Variants in MTMR1 observed in about 807,000 individuals in gnomAD.
MTMR1 encodes the protein phosphatidylinositol-3-phosphate phosphatase MTMR1.
MTMR1 carries 17 observed loss-of-function variants against 51.6 expected under a neutral mutation model. The observed-to-expected ratio is 0.33, with a 90% CI of 0.23 to 0.49. MTMR1 has a LOEUF of 0.49. MTMR1 is among the 20% of genes least tolerant of loss of function. The pLI is 0.99. For synonymous variants in MTMR1, 201 were observed against 205.6 expected, an observed-to-expected ratio of 0.98 and a Z score of 0.19; for missense variants, 386 against 526.9, an observed-to-expected ratio of 0.73 and a Z score of 2.62.
At chrX:150,695,670 G>T (rs782071602) in intron 1 of MTMR1, among the ~76,000 whole-genome samples, 1 of 112,067 alleles carries the variant, frequency 8.9e-6, no homozygotes, top group Non-Finnish European at 1.9e-5. Flanking sequence ...TCAATTTTGA[G>T]ATGCCAATTA....
intron 14 of MTMR1, among the ~76,000 whole-genome samples, chrX:150,752,624 G>GTTTTTTTTTT (rs782406235): frequency 1.9e-4 from 11 of 57,454 alleles, no homozygotes; most frequent in Non-Finnish European, 2.7e-4. Context: ...GCTTTATCTT[G>GTTTTTTTTTT]TTTTTTTTTT....
intron 10 of MTMR1, 99 bp from the exon 11 acceptor site, chrX:150,736,496 T>G: frequency 1.3e-4 from 100 of 784,472 alleles, no homozygotes; most frequent in Non-Finnish European, 1.6e-4. Flanking sequence ...TATTTGCAGA[T>G]GAGTTTGTTG....
intron 2 of MTMR1, among the ~76,000 whole-genome samples, chrX:150,707,548 A>G (rs1392871824): frequency 1.8e-5 from 2 of 112,461 alleles, no homozygotes; most frequent in African/African-American, 3.2e-5. Flanking sequence ...GCTATATCCT[A>G]TTGGAATGGT....
At chrX:150,693,827 C>T (rs1488231305) in intron 1 of MTMR1, 151 bp downstream of exon 1, 2 of 315,413 alleles carry the variant, frequency 6.3e-6, no homozygotes, top group Admixed American at 9.1e-5. Flanking sequence ...CCTCCTCCCC[C>T]CCACCCCCGG....
At chrX:150,757,956 C>G (rs924662796) in intron 15 of MTMR1, among the ~76,000 whole-genome samples, 9 of 111,188 alleles carry the variant, frequency 8.1e-5, no homozygotes, top group African/African-American at 3.0e-4. Context: ...GATACTGCAC[C>G]GGCCTGTTTG....
intron 3 of MTMR1, chrX:150,714,364 T>C: frequency 2.5e-6 from 1 of 395,438 alleles, no homozygotes; most frequent in Non-Finnish European, 4.1e-6. Context: ...TGTGTCGACT[T>C]TTACATGCTT....
intron 4 of MTMR1, among the ~76,000 whole-genome samples, chrX:150,726,853 T>C (rs2041955432): frequency 8.9e-6 from 1 of 112,071 alleles, no homozygotes; most frequent in Admixed American, 9.5e-5. Flanking sequence ...TAGTTTTAAG[T>C]AGCAGTAATT....
chrX:150,702,242 T>C (rs1202526320), intron 2 of MTMR1, among the ~76,000 whole-genome samples: 1 of 110,488 alleles, frequency 9.1e-6, no homozygotes, highest in African/African-American at 3.3e-5. Context: ...TTTTTCAAAA[T>C]GTGACCCTTG....
Position 150,762,701 on chromosome X carries a change from C to T in MTMR1, c.1994C>T (p.Ser665Phe). ...GAGCGGGGCTCCTCGCCCTCCCACT[C>T]CGCCACCTCCGTCCACACCTCGGTC... The part of the protein sequence containing the change: ...SSERGSSPSH[S>F]ATSVHTSV Residue 665 changes from serine to phenylalanine, a missense_variant, in exon 16 of 16, where the codon TCC (serine) becomes TTC (phenylalanine). By Grantham distance (155) the Ser-to-Phe change is radical. Transcript: ENST00000445323. 8.5e-7 allele frequency: 1 copy of T among 1,183,052 alleles called. No homozygotes were observed. Among genetic ancestry groups the T allele is most frequent in the Non-Finnish European group, 1.1e-6 (1 of 878,915 alleles).
In MTMR1 at chrX:150,764,670, C is replaced by T. The variant is rs1027679764; in HGVS notation, c.*1941C>T. Reference sequence around the variant, plus strand: ...GCTGGGGGGGGCTCTGTCAGCAGGACCCTAGAGGAGACTCTCATTCGATTT... The same window carrying T: ...GCTGGGGGGGGCTCTGTCAGCAGGATCCTAGAGGAGACTCTCATTCGATTT... On this transcript the variant is annotated 3_prime_UTR_variant, in exon 16 of 16. Coordinates refer to ENST00000445323, the MANE Select transcript of MTMR1 (RefSeq NM_001306144.3). 9.0e-6 allele frequency: 1 copy of T among 111,620 alleles called. No homozygotes were observed. The highest frequency in any genetic ancestry group is 1.9e-5 in the Non-Finnish European group (1 of 53,144). 9.2% of individuals were successfully genotyped at this position (111,620 alleles called of 1,213,427 possible). A position where few individuals can be genotyped will look rare whatever the true frequency, so the allele number is the denominator to read the frequency against.
intron 14 of MTMR1, 135 bp from the exon 15 acceptor site, chrX:150,755,553 GC>G: frequency 2.2e-6 from 1 of 457,277 alleles, no homozygotes; most frequent in Non-Finnish European, 3.5e-6. Flanking sequence ...AGAAGGTGGG[GC>G]TGGGACCTAG....
intron 10 of MTMR1, among the ~76,000 whole-genome samples, chrX:150,734,786 A>G (rs2042217260): frequency 8.9e-6 from 1 of 112,565 alleles, no homozygotes; most frequent in African/African-American, 3.2e-5. Flanking sequence ...CTTCCTTTAC[A>G]ATCTGGCTGC....
intron 10 of MTMR1, among the ~76,000 whole-genome samples, chrX:150,734,236 C>G (rs1173283442): frequency 8.9e-6 from 1 of 112,793 alleles, no homozygotes. Flanking sequence ...TAGGTTCCAC[C>G]TGAAATAATC....
At chrX:150,718,530 C>T in intron 3 of MTMR1, 95 bp from the exon 4 acceptor site, 1 of 1,030,982 alleles carries the variant, frequency 9.7e-7, no homozygotes. Context: ...CATCACAGAA[C>T]ACCGAAATTC....
In MTMR1 at chrX:150,736,657, G is replaced by A. The variant is rs2042277961; in HGVS notation, c.1143G>A (p.Glu381=). 8.3e-7 allele frequency: 1 copy of A among 1,211,794 alleles called. No individual in the cohort carries two copies. The highest frequency in any genetic ancestry group is 1.1e-6 in the Non-Finnish European group (1 of 895,342). ...CAAATGCAGAACTTGTGTTCTTGGA[G>A]ATCCACAACATTCATGTCATGCGAG... ...AYPNAELVFL[E]IHNIHVMRES... The change falls in exon 11 of 16, where the codon GAG becomes GAA. Residue 381 remains glutamate (E), a synonymous_variant. Coordinates refer to ENST00000445323, the MANE Select transcript of MTMR1 (RefSeq NM_001306144.3).
At position 150,736,797 on chromosome X, in the gene MTMR1, C is replaced by G. The variant is rs1194398627; in HGVS notation, c.1266+17C>G. The G allele has an allele frequency of 6.9e-6, 8 of 1,161,999 alleles. No individual in the cohort carries two copies. Among genetic ancestry groups the G allele is most frequent in the Non-Finnish European group, 9.2e-6 (8 of 867,306 alleles). On this transcript the variant is annotated intron_variant, in intron 11 of 15. Transcript: ENST00000445323. ...TATATAAGGGTAAAGAGATCCAGCA[C>G]TTTATATGCTTTCCAGTTAAGACTT...
intron 15 of MTMR1, among the ~76,000 whole-genome samples, chrX:150,757,855 G>C (rs1318332562): frequency 9.0e-6 from 1 of 111,104 alleles, no homozygotes; most frequent in Admixed American, 9.5e-5. Context: ...GTGCTCTGGC[G>C]GCCCTATGTT....
At chrX:150,695,766 G>C (rs1380900079) in intron 1 of MTMR1, among the ~76,000 whole-genome samples, 3 of 111,825 alleles carry the variant, frequency 2.7e-5, no homozygotes, top group Non-Finnish European at 5.6e-5. Context: ...TCAAACTGGG[G>C]AGTCATGGGC....
At chrX:150,741,447 T>A (rs2042420653) in intron 12 of MTMR1, among the ~76,000 whole-genome samples, 1 of 112,284 alleles carries the variant, frequency 8.9e-6, no homozygotes, top group African/African-American at 3.2e-5. Context: ...ATGACTCACA[T>A]GACTGTCCCT....
Sources: gnomAD v4.1 joint callset for allele counts (sites outside exome capture counted in the v4.1 genomes callset) on GRCh38, gnomAD v4.1.1 for gene constraint, MANE v1.5 for transcripts, NCBI Gene and HGNC (gene_info 2026-07-23, HGNC 2026-07-21) for gene names.